The following SLC35F3 variants were observed in gnomAD, a reference collection of about 807,000 sequenced individuals.
SLC35F3 encodes the protein putative thiamine transporter SLC35F3.
In SLC35F3, 25 loss-of-function variants were observed where a neutral mutation model predicts 49.9. The ratio of observed to expected loss-of-function variants is 0.50; its 90% CI spans 0.37 to 0.70. The LOEUF is 0.70. Among genes scored for constraint, SLC35F3 ranks in the 30% least tolerant of loss-of-function variants. SLC35F3 has a pLI of 0.00. For missense variants in SLC35F3, 525 were observed against 639.8 expected (o/e 0.82, Z 1.94); for synonymous variants, 275 against 265.4 (o/e 1.04, Z -0.35).
At chr1:234,263,067 C>G (rs1667929959) in intron 3 of SLC35F3, among the ~76,000 whole-genome samples, 1 of 152,114 alleles carries the variant, frequency 6.6e-6, no homozygotes, top group Non-Finnish European at 1.5e-5. Context: ...AAGTCACATA[C>G]AAGACTGCTG....
At chr1:234,010,645 G>A (rs1184284883) in intron 2 of SLC35F3, among the ~76,000 whole-genome samples, 1 of 152,070 alleles carries the variant, frequency 6.6e-6, no homozygotes, top group Non-Finnish European at 1.5e-5. Context: ...TTGTTGAAAG[G>A]TGTTAGAGTC....
At chr1:234,168,607 G>C (rs540039901) in intron 2 of SLC35F3, among the ~76,000 whole-genome samples, 1 of 152,346 alleles carries the variant, frequency 6.6e-6, no homozygotes, top group Admixed American at 6.5e-5. Flanking sequence ...ATGCCTCTTG[G>C]CATATGGAGC....
chr1:234,268,750 T>C (rs1350756484), intron 3 of SLC35F3: 2 of 152,212 alleles, frequency 1.3e-5, no homozygotes, highest in Non-Finnish European at 2.9e-5. Flanking sequence ...TTGTTCCACG[T>C]GCCACACGAT....
intron 2 of SLC35F3, among the ~76,000 whole-genome samples, chr1:234,012,998 T>C (rs1663747428): frequency 6.6e-6 from 1 of 152,128 alleles, no homozygotes; most frequent in South Asian, 2.1e-4. Context: ...AAAAGACACG[T>C]ACAGAACATT....
At chr1:234,322,935 A>C in intron 7 of SLC35F3, 73 bp from the exon 8 acceptor site, 2 of 1,280,332 alleles carry the variant, frequency 1.6e-6, no homozygotes, top group Non-Finnish European at 2.3e-6. Flanking sequence ...GGGTGCCCCC[A>C]GGCCCTGCCC....
intron 2 of SLC35F3, among the ~76,000 whole-genome samples, chr1:234,000,119 A>T (rs1357484380): frequency 6.6e-6 from 1 of 152,224 alleles, no homozygotes; most frequent in Non-Finnish European, 1.5e-5. Flanking sequence ...TAAAGTGAGT[A>T]TGAATACTCA....
chr1:234,104,903 G>C (rs1665260829), intron 2 of SLC35F3, among the ~76,000 whole-genome samples: 1 of 152,170 alleles, frequency 6.6e-6, no homozygotes, highest in African/African-American at 2.4e-5. Flanking sequence ...GGCCGAGGCA[G>C]GCGGATCACG....
chr1:233,979,623 C>A (rs1663147871), intron 2 of SLC35F3, among the ~76,000 whole-genome samples: 1 of 152,150 alleles, frequency 6.6e-6, no homozygotes, highest in Non-Finnish European at 1.5e-5. Flanking sequence ...TAGGTGGGAA[C>A]TGCTTAGGCT....
At chr1:234,086,843 A>G (rs567166809) in intron 2 of SLC35F3, among the ~76,000 whole-genome samples, 1 of 152,350 alleles carries the variant, frequency 6.6e-6, no homozygotes, top group South Asian at 2.1e-4. Flanking sequence ...AGAGATTTAC[A>G]GATGCCCCTA....
intron 2 of SLC35F3, among the ~76,000 whole-genome samples, chr1:233,937,070 C>G (rs1197886941): frequency 6.6e-6 from 1 of 152,150 alleles, no homozygotes; most frequent in Non-Finnish European, 1.5e-5. Flanking sequence ...TGCTTCCACT[C>G]CCATCTACCC....
chr1:233,956,459 TATTGC>T (rs1390469473), intron 2 of SLC35F3, among the ~76,000 whole-genome samples: 3 of 152,240 alleles, frequency 2.0e-5, no homozygotes. Flanking sequence ...GTTTCATTGC[TATTGC>T]TATGGTTGTG....
chr1:234,053,584 A>C (rs1558215820), intron 2 of SLC35F3, among the ~76,000 whole-genome samples: 1 of 151,054 alleles, frequency 6.6e-6, no homozygotes, highest in Non-Finnish European at 1.5e-5. Flanking sequence ...TTGGGTCTTC[A>C]CTCTTTATCC....
intron 2 of SLC35F3, among the ~76,000 whole-genome samples, chr1:234,104,495 A>AGGG (rs1665255523): frequency 6.6e-6 from 1 of 152,114 alleles, no homozygotes; most frequent in Admixed American, 6.5e-5. Context: ...ACAACAGCCA[A>AGGG]TTACAAGTCA....
intron 3 of SLC35F3, among the ~76,000 whole-genome samples, chr1:234,258,813 C>T (rs1475909815): frequency 6.6e-6 from 1 of 152,216 alleles, no homozygotes; most frequent in Non-Finnish European, 1.5e-5. Context: ...TACAAGCCAA[C>T]AGTATCAGAT....
chr1:234,074,503 T>C (rs1664765062), intron 2 of SLC35F3, among the ~76,000 whole-genome samples: 1 of 152,210 alleles, frequency 6.6e-6, no homozygotes, highest in South Asian at 2.1e-4. Flanking sequence ...ATATGAGTTC[T>C]CAGTGCCCAA....
At chr1:234,164,852 G>GTTGGCA (rs1262778760) in intron 2 of SLC35F3, among the ~76,000 whole-genome samples, 2 of 136,310 alleles carry the variant, frequency 1.5e-5, no homozygotes, top group East Asian at 4.6e-4. Flanking sequence ...GGGGGGGGGG[G>GTTGGCA]TTGGCACAGA....
At chr1:234,051,699 A>C (rs1033526274) in intron 2 of SLC35F3, among the ~76,000 whole-genome samples, 1 of 152,002 alleles carries the variant, frequency 6.6e-6, no homozygotes, top group Non-Finnish European at 1.5e-5. Context: ...GGTGAGAGAG[A>C]GCATCCCTGT....
chr1:234,284,053 A>C (rs769936014), intron 3 of SLC35F3, among the ~76,000 whole-genome samples: 7 of 152,076 alleles, frequency 4.6e-5, no homozygotes, highest in Non-Finnish European at 1.0e-4. Flanking sequence ...CTACAGGTGC[A>C]CACCACCACA....
At chr1:233,907,831 T>C (rs1661800856) in intron 2 of SLC35F3, among the ~76,000 whole-genome samples, 1 of 152,214 alleles carries the variant, frequency 6.6e-6, no homozygotes. Flanking sequence ...GTTCAAGTGA[T>C]TCTCCTGCCT....
Sources: allele counts gnomAD v4.1 joint callset (sites outside exome capture counted in the v4.1 genomes callset), GRCh38; gene constraint gnomAD v4.1.1; transcripts MANE v1.5; gene names NCBI Gene and HGNC (gene_info 2026-07-23, HGNC 2026-07-21).